TOE1: variants seen among roughly 807,000 people sequenced by gnomAD.
TOE1 encodes target of EGR1, exonuclease.
TOE1 carries 50 observed loss-of-function variants against 49.2 expected under a neutral mutation model. That is an observed-to-expected ratio of 1.02 (90% CI 0.81 to 1.29). The LOEUF (loss-of-function observed/expected upper bound fraction) is 1.29. TOE1 is among the 50% of genes most tolerant of loss of function. TOE1 has a pLI of 0.00. For synonymous variants in TOE1, 221 were observed against 247.0 expected, an observed-to-expected ratio of 0.89 and a Z score of 0.99; for missense variants, 544 against 654.4, an observed-to-expected ratio of 0.83 and a Z score of 1.84.
rs138744943 is a variant in TOE1, at chr1:45,341,188, G to A, written c.168G>A (p.Lys56=). The change falls in exon 2 of 8, where the codon AAG becomes AAA. Residue 56 remains lysine (K), a synonymous_variant. Coordinates refer to ENST00000372090, the MANE Select transcript of TOE1 (RefSeq NM_025077.4). ...EMWPSLLLAI[K]TANFVAVDTE... ...GGCCATCCCTCCTGCTAGCCATAAA[G>A]ACAGCTAATTTCGTGGCTGTGGACA... The A allele has an allele frequency of 4.0e-5, 64 of 1,614,208 alleles. No individual in the cohort carries two copies. In the African/African-American group the frequency reaches 7.6e-4, roughly 19 times the overall value.
chr1:45,342,439 C>T lies in TOE1; in HGVS notation c.548C>T (p.Ala183Val), dbSNP rs763750237. Residue 183 changes from alanine (A) to valine (V), a missense_variant, in exon 6 of 8, where the codon GCC becomes GTC. Coordinates refer to ENST00000372090, the MANE Select transcript of TOE1 (RefSeq NM_025077.4). ...ACCCTATTCCTGGAGCTAATCCGAG[C>T]CCGCCGGCCCCTGGTGCTACACAAT... ...VRTLFLELIR[A>V]RRPLVLHNGL... 1 of 1,614,148 alleles carries T rather than the reference C, an allele frequency of 6.2e-7. No homozygotes were observed. The highest frequency in any genetic ancestry group is 1.1e-5 in the South Asian group (1 of 91,084).
intron 4 of TOE1, 43 bp from the exon 5 acceptor site, chr1:45,341,906 G>C: frequency 6.2e-7 from 1 of 1,601,830 alleles, no homozygotes; most frequent in Non-Finnish European, 8.5e-7. Context: ...CTCCTAGCTT[G>C]GCTCTCTGAA....
chr1:45,343,131 T>C lies in TOE1; in HGVS notation c.962T>C (p.Ile321Thr). The C allele has an allele frequency of 6.2e-7, 1 of 1,613,916 alleles. No individual in the cohort carries two copies. Reference protein sequence around the residue: ...LGPQCPQSHDIDLIIDTDEAA... With the variant: ...LGPQCPQSHDTDLIIDTDEAA... ...CCACAGTGTCCTCAGTCTCACGATA[T>C]TGACCTTATCATTGACACTGATGAG... Residue 321 changes from isoleucine to threonine, a missense_variant, in exon 8 of 8, where the codon ATT becomes ACT. By Grantham distance (89) the Ile-to-Thr change is moderately conservative. Transcript: ENST00000372090. The surrounding 1 kb of genome is among the most constrained non-coding windows in gnomAD (Gnocchi z 4.3).
Position 45,342,505 on chromosome 1 carries a change from C to G in TOE1, c.614C>G (p.Ala205Gly). Residue 205 changes from alanine to glycine, a missense_variant, in exon 6 of 8, where the codon GCA (alanine) becomes GGA (glycine). Ala to Gly is a moderately conservative substitution (Grantham distance 60). Transcript: ENST00000372090. ...GTGTTCCTGTACCAGAACTTCTATG[C>G]ACACCTCCCTGAGAGTCTGGGAACC... ...DLVFLYQNFY[A>G]HLPESLGTFT... is the part of the protein sequence containing the mutation. The G allele has an allele frequency of 6.2e-7, 1 of 1,614,148 alleles. No homozygotes were observed. Among genetic ancestry groups the G allele is most frequent in the Non-Finnish European group, 8.5e-7 (1 of 1,180,030 alleles).
intron 1 of TOE1, among the ~76,000 whole-genome samples, chr1:45,340,863 G>C (rs959520558): frequency 2.0e-5 from 3 of 152,192 alleles, no homozygotes; most frequent in African/African-American, 4.8e-5. Flanking sequence ...GCTCATACAA[G>C]CCAGTAGAAG....
intron 6 of TOE1, 80 bp downstream of exon 6, chr1:45,342,723 C>A: frequency 6.3e-7 from 1 of 1,599,080 alleles, no homozygotes. Flanking sequence ...TGAGCTCCTA[C>A]CATGTGCCCA....
chr1:45,340,604 A>G, intron 1 of TOE1: 1 of 1,327,098 alleles, frequency 7.5e-7, no homozygotes, highest in Non-Finnish European at 9.7e-7. Context: ...ATCCAAAGGA[A>G]GGTAGGACGT....
At chr1:45,342,352 T>TC (rs1209125746) in intron 5 of TOE1, 32 bp from the exon 6 acceptor site, 1 of 1,609,070 alleles carries the variant, frequency 6.2e-7, no homozygotes, top group Non-Finnish European at 8.5e-7. Flanking sequence ...GGGGACTCTG[T>TC]CCTCCTCATT....
At position 45,340,299 on chromosome 1, in the gene TOE1, C is replaced by G. The variant is rs771315699; in HGVS notation, c.47C>G (p.Ser16Cys). Reference protein sequence around the residue: ...DDGAVSAPAASDGGVSKSTTS... With the variant: ...DDGAVSAPAACDGGVSKSTTS... ...GGCGCAGTTTCAGCTCCCGCAGCTTCCGACGGTGAGCGGCTTCCCAGAGGT... is the reference window on the plus strand; with the variant it reads ...GGCGCAGTTTCAGCTCCCGCAGCTTGCGACGGTGAGCGGCTTCCCAGAGGT... The change falls in exon 1 of 8, where the codon TCC becomes TGC. Residue 16 changes from serine (S) to cysteine (C), a missense_variant. Coordinates refer to ENST00000372090, the MANE Select transcript of TOE1 (RefSeq NM_025077.4). 6 of 1,612,976 alleles carry G rather than the reference C, an allele frequency of 3.7e-6. No homozygotes were observed.
intron 4 of TOE1, 70 bp downstream of exon 4, chr1:45,341,639 T>C: frequency 4.4e-6 from 6 of 1,371,250 alleles, no homozygotes; most frequent in Non-Finnish European, 6.0e-6. Flanking sequence ...CTAGGGAACA[T>C]CAGATAGGAA....
In TOE1 at chr1:45,343,673, A is replaced by G; in HGVS notation, c.1504A>G (p.Lys502Glu). 2 of 1,610,456 alleles carry G rather than the reference A, an allele frequency of 1.2e-6. No individual in the cohort carries two copies. The highest frequency in any genetic ancestry group is 1.7e-6 in the Non-Finnish European group (2 of 1,176,866). Reference sequence around the variant, plus strand: ...TCGTTCCTCCAAAGCCCACAATCAGAAGATGAAGCTCACTTGGGGCAGTAG... The same window carrying G: ...TCGTTCCTCCAAAGCCCACAATCAGGAGATGAAGCTCACTTGGGGCAGTAG... Reference protein sequence around the residue: ...FSRSSKAHNQKMKLTWGSS With the variant: ...FSRSSKAHNQEMKLTWGSS The change falls in exon 8 of 8, where the codon AAG becomes GAG. Residue 502 changes from lysine (K) to glutamate (E), a missense_variant. Coordinates refer to ENST00000372090, the MANE Select transcript of TOE1 (RefSeq NM_025077.4). This position sits in a 1 kb window ranked among gnomAD's most constrained non-coding sequence, Gnocchi z 4.3.
At position 45,340,281 on chromosome 1, in the gene TOE1, T is replaced by C. The variant is rs1646829661; in HGVS notation, c.29T>C (p.Val10Ala). 6.2e-7 allele frequency: 1 copy of C among 1,613,664 alleles called. No homozygotes were observed. The highest frequency in any genetic ancestry group is 8.5e-7 in the Non-Finnish European group (1 of 1,179,972). Residue 10 changes from valine to alanine, a missense_variant, in exon 1 of 8, where the codon GTT becomes GCT. Val to Ala is a moderately conservative substitution (Grantham distance 64). Transcript: ENST00000372090. MAADSDDGA[V>A]SAPAASDGGV... ...GCCGCCGACAGTGACGATGGCGCAG[T>C]TTCAGCTCCCGCAGCTTCCGACGGT...
At position 45,343,308 on chromosome 1, in the gene TOE1, C is replaced by T. The variant is rs1264367211; in HGVS notation, c.1139C>T (p.Thr380Ile). The change falls in exon 8 of 8, where the codon ACC (threonine) becomes ATC (isoleucine). Residue 380 changes from threonine to isoleucine, a missense_variant. Thr to Ile is a moderately conservative substitution (Grantham distance 89). Transcript: ENST00000372090. This position sits in a 1 kb window ranked among gnomAD's most constrained non-coding sequence, Gnocchi z 4.3. ...VCGDSIKPEE[T>I]EQEVAADETR... ...GGGGATAGCATCAAGCCTGAAGAAA[C>T]CGAGCAGGAGGTGGCTGCCGATGAA... The T allele has an allele frequency of 1.2e-6, 2 of 1,614,048 alleles. No individual in the cohort carries two copies. Among genetic ancestry groups the T allele is most frequent in the Non-Finnish European group, 1.7e-6 (2 of 1,180,026 alleles).
intron 2 of TOE1, 43 bp downstream of exon 2, chr1:45,341,258 C>T: frequency 6.2e-7 from 1 of 1,614,182 alleles, no homozygotes; most frequent in Non-Finnish European, 8.5e-7. Flanking sequence ...TGTGAAGGGG[C>T]TGGTGCTAGA....
At chr1:45,340,960 A>G in intron 1 of TOE1, 113 bp from the exon 2 acceptor site, 2 of 1,466,110 alleles carry the variant, frequency 1.4e-6, no homozygotes, top group South Asian at 2.5e-5. Flanking sequence ...CTTGTGGGAA[A>G]AGCTACCAAT....
Position 45,343,950 on chromosome 1 carries a change from C to A in TOE1, c.*248C>A, listed in dbSNP as rs553376249. On this transcript the variant is annotated 3_prime_UTR_variant, in exon 8 of 8. Coordinates refer to ENST00000372090, the MANE Select transcript of TOE1 (RefSeq NM_025077.4). This position sits in a 1 kb window ranked among gnomAD's most constrained non-coding sequence, Gnocchi z 4.3. ...GGGAAAGTTTTACAAAAAAAAAAAT[C>A]AACAGAAGCAAGTTATGAAAATATT... The A allele has an allele frequency of 7.1e-6, 3 of 423,248 alleles. No individual in the cohort carries two copies. The highest frequency in any genetic ancestry group is 3.8e-5 in the South Asian group (1 of 26,418). The allele number at this position is 423,248 out of a possible 1,614,324, so 26.2% of individuals were successfully genotyped here.
At chr1:45,341,426 C>T (rs749110440) in intron 3 of TOE1, 47 bp from the exon 4 acceptor site, 2 of 1,613,962 alleles carry the variant, frequency 1.2e-6, no homozygotes, top group Non-Finnish European at 1.7e-6. Context: ...TTGGGTCCTT[C>T]ATAAGGCTAA....
rs369467934 is a variant in TOE1 at position 45,343,427 on chromosome 1, T to C, written c.1258T>C (p.Ser420Pro). Residue 420 changes from serine (S) to proline (P), a missense_variant, in exon 8 of 8, where the codon TCA becomes CCA. Coordinates refer to ENST00000372090, the MANE Select transcript of TOE1 (RefSeq NM_025077.4). This position sits in a 1 kb window ranked among gnomAD's most constrained non-coding sequence, Gnocchi z 4.3. ...GCCTGAAATAGCTGATAGAGCTACC[T>C]CAGAAGTGCCAGGGAGCCAAGCCAG... ...ARPEIADRAT[S>P]EVPGSQASPN... 1.4e-5 allele frequency: 23 copies of C among 1,613,972 alleles called. No homozygotes were observed. Among genetic ancestry groups the C allele is most frequent in the Non-Finnish European group, 1.8e-5 (21 of 1,180,024 alleles).
chr1:45,341,152 C>T lies in TOE1; in HGVS notation c.132C>T (p.Phe44=). 1.2e-6 allele frequency: 2 copies of T among 1,614,176 alleles called. No homozygotes were observed. The highest frequency in any genetic ancestry group is 1.7e-6 in the Non-Finnish European group (2 of 1,180,040). Residue 44 remains phenylalanine (F), a synonymous_variant, in exon 2 of 8, where the codon TTC becomes TTT. Transcript: ENST00000372090. The part of the protein sequence containing the change: ...VPVVDVQSNN[F]KEMWPSLLLA... Reference sequence around the variant, plus strand: ...TAGTGGATGTGCAAAGCAACAACTTCAAGGAGATGTGGCCATCCCTCCTGC... The same window carrying T: ...TAGTGGATGTGCAAAGCAACAACTTTAAGGAGATGTGGCCATCCCTCCTGC...
Sources: gnomAD v4.1 joint callset for allele counts (sites outside exome capture counted in the v4.1 genomes callset) on GRCh38, gnomAD v4.1.1 for gene constraint, Gnocchi (gnomAD v3.1) non-coding constraint, MANE v1.5 for transcripts, NCBI Gene and HGNC (gene_info 2026-07-23, HGNC 2026-07-21) for gene names.